The following FAF1 variants were observed in gnomAD, a reference collection of about 807,000 sequenced individuals.
FAF1 encodes FAS-associated factor 1.
A neutral mutation model predicts 92.5 loss-of-function variants in FAF1; 25 were observed. The ratio of observed to expected loss-of-function variants is 0.27; its 90% CI spans 0.20 to 0.38. FAF1 has a LOEUF of 0.38. Ranked by LOEUF, FAF1 falls within the 10% of genes least tolerant of loss-of-function variation. The pLI is 1.00. For synonymous variants in FAF1, 234 were observed against 273.2 expected, an observed-to-expected ratio of 0.86 and a Z score of 1.42; for missense variants, 636 against 793.3, an observed-to-expected ratio of 0.80 and a Z score of 2.38.
At chr1:50,959,401 C>T (rs1163883193) in intron 1 of FAF1, among the ~76,000 whole-genome samples, 1 of 152,108 alleles carries the variant, frequency 6.6e-6, no homozygotes, top group African/African-American at 2.4e-5. Flanking sequence ...ACACTCCATA[C>T]ATCTCTCCCC....
chr1:50,639,933 C>CAAAAAA (rs1197342810), intron 8 of FAF1, among the ~76,000 whole-genome samples: 1,636 of 70,012 alleles, frequency 0.023, 20 homozygotes, highest in Non-Finnish European at 0.039. Flanking sequence ...GACTCGATCT[C>CAAAAAA]AAAAAAAAAA....
Position 50,923,948 on chromosome 1 carries a change from T to C in FAF1, c.45+35819A>G, listed in dbSNP as rs189236360. Among the ~76,000 whole-genome samples the C allele has an allele frequency of 2.6e-5, 4 of 152,278 alleles. No homozygotes were observed. The East Asian group carries it at 7.7e-4, about 29-fold the overall frequency. On this transcript the variant is annotated intron_variant, in intron 1 of 18. Coordinates refer to ENST00000396153, the MANE Select transcript of FAF1 (RefSeq NM_007051.3). ...CAATGTAATAAACCCATATATGACA[T>C]ACCCACAGCTAGCATCATACTGAAT... is the stretch of plus-strand genomic sequence containing the variant.
chr1:50,948,523 CTTTTCT>C (rs1570175594), intron 1 of FAF1, among the ~76,000 whole-genome samples: 2 of 149,892 alleles, frequency 1.3e-5, no homozygotes, highest in Non-Finnish European at 3.0e-5. Flanking sequence ...ATTTCTTTTT[CTTTTCT>C]TTTTCTTTTT....
intron 13 of FAF1, among the ~76,000 whole-genome samples, chr1:50,561,822 C>G (rs749951716): frequency 6.7e-6 from 1 of 148,848 alleles, no homozygotes; most frequent in Non-Finnish European, 1.5e-5. Flanking sequence ...GAGACGCCAT[C>G]TAGGACAGAC....
chr1:50,595,968 G>T (rs1651785096), intron 9 of FAF1, among the ~76,000 whole-genome samples, 153 bp downstream of exon 9: 1 of 152,076 alleles, frequency 6.6e-6, no homozygotes, highest in African/African-American at 2.4e-5. Flanking sequence ...AACCTTGCAT[G>T]GACAGTTTCT....
At chr1:50,677,809 C>T (rs372172150) in intron 7 of FAF1, among the ~76,000 whole-genome samples, 2 of 149,222 alleles carry the variant, frequency 1.3e-5, no homozygotes, top group African/African-American at 2.5e-5. Flanking sequence ...GCAGGAGAAT[C>T]GCTTGAACCC....
At chr1:50,697,271 C>G (rs531233980) in intron 7 of FAF1, among the ~76,000 whole-genome samples, 1 of 152,292 alleles carries the variant, frequency 6.6e-6, no homozygotes, top group African/African-American at 2.4e-5. Flanking sequence ...CAGGGACACT[C>G]TAATACTTAG....
At chr1:50,871,152 G>A (rs769804992) in intron 1 of FAF1, among the ~76,000 whole-genome samples, 5 of 152,334 alleles carry the variant, frequency 3.3e-5, no homozygotes, top group Non-Finnish European at 7.3e-5. Flanking sequence ...TACATTCTAC[G>A]ACACAGGTGA....
chr1:50,820,413 T>C (rs560894629), intron 2 of FAF1, among the ~76,000 whole-genome samples: 7 of 152,260 alleles, frequency 4.6e-5, no homozygotes, highest in African/African-American at 1.4e-4. Flanking sequence ...ATGTATACAC[T>C]GTGTAATGAT....
intron 8 of FAF1, among the ~76,000 whole-genome samples, chr1:50,631,261 T>C (rs1569627723): frequency 1.3e-5 from 2 of 152,304 alleles, no homozygotes; most frequent in East Asian, 3.9e-4. Context: ...AATATTTTTG[T>C]TATTCCCAAT....
intron 17 of FAF1, among the ~76,000 whole-genome samples, 165 bp downstream of exon 17, chr1:50,490,423 G>A (rs1222937803): frequency 1.8e-5 from 2 of 110,584 alleles, no homozygotes; most frequent in Non-Finnish European, 3.9e-5. Context: ...AAGGAAGGAA[G>A]GAAGGAAGGA....
At chr1:50,885,322 A>G (rs12057913) in intron 1 of FAF1, among the ~76,000 whole-genome samples, 1 of 117,910 alleles carries the variant, frequency 8.5e-6, no homozygotes, top group Non-Finnish European at 1.8e-5. Context: ...TCACACACAC[A>G]CACTCTCTCT....
At chr1:50,558,165 C>T (rs1649684339) in intron 13 of FAF1, among the ~76,000 whole-genome samples, 1 of 152,036 alleles carries the variant, frequency 6.6e-6, no homozygotes, top group Non-Finnish European at 1.5e-5. Flanking sequence ...TCCCAAAGCA[C>T]TGGGGTTACA....
At chr1:50,846,978 T>C (rs1186730381) in intron 2 of FAF1, 2 of 231,126 alleles carry the variant, frequency 8.7e-6, no homozygotes, top group Non-Finnish European at 1.7e-5. Context: ...TCTGAGATAT[T>C]TTTAGCCCTT....
intron 1 of FAF1, among the ~76,000 whole-genome samples, chr1:50,937,917 T>C (rs1223937985): frequency 6.6e-6 from 1 of 152,228 alleles, no homozygotes; most frequent in African/African-American, 2.4e-5. Context: ...TGTATTTCTC[T>C]GTATTCCTTA....
intron 1 of FAF1, among the ~76,000 whole-genome samples, chr1:50,875,100 T>C (rs1644559727): frequency 6.6e-6 from 1 of 152,110 alleles, no homozygotes; most frequent in South Asian, 2.1e-4. Context: ...TAAAGAATAC[T>C]GAATTTTTTT....
chr1:50,707,685 C>T (rs1359565653), intron 6 of FAF1, among the ~76,000 whole-genome samples: 5 of 149,176 alleles, frequency 3.4e-5, no homozygotes, highest in South Asian at 2.1e-4. Context: ...TAGAGGGAGA[C>T]GCTGTCCCAA....
At chr1:50,455,975 T>G (rs2148983890) in intron 18 of FAF1, among the ~76,000 whole-genome samples, 1 of 152,170 alleles carries the variant, frequency 6.6e-6, no homozygotes, top group African/African-American at 2.4e-5. Context: ...CTCAGGAGGC[T>G]GAGGCAGGAG....
At chr1:50,854,641 C>A (rs186951260) in intron 2 of FAF1, among the ~76,000 whole-genome samples, 1 of 151,974 alleles carries the variant, frequency 6.6e-6, no homozygotes, top group Non-Finnish European at 1.5e-5. Flanking sequence ...GTTTGGAATA[C>A]CTCTTTTGCA....
Sources: allele counts gnomAD v4.1 joint callset (sites outside exome capture counted in the v4.1 genomes callset), GRCh38; gene constraint gnomAD v4.1.1; transcripts MANE v1.5; gene names NCBI Gene and HGNC (gene_info 2026-07-23, HGNC 2026-07-21).